The following ABCB1 variants were observed in gnomAD, a reference collection of about 807,000 sequenced individuals.
ABCB1 encodes ATP-dependent translocase ABCB1.
In ABCB1, 69 loss-of-function variants were observed where a neutral mutation model predicts 142.0. The observed-to-expected ratio is 0.49, with a 90% CI of 0.40 to 0.59. The LOEUF (loss-of-function observed/expected upper bound fraction) is 0.59. Among genes scored for constraint, ABCB1 ranks in the 20% least tolerant of loss-of-function variants. The probability of loss-of-function intolerance (pLI) is 0.00; values close to 1 mark genes in which losing one functional copy is unlikely to be tolerated. For synonymous variants in ABCB1, 532 were observed against 539.2 expected (o/e 0.99, Z 0.18); for missense variants, 1,326 against 1,554.7 (o/e 0.85, Z 2.47).
chr7:87,658,048 G>T (rs1238187495), intron 1 of ABCB1, among the ~76,000 whole-genome samples: 1 of 152,130 alleles, frequency 6.6e-6, no homozygotes, highest in Non-Finnish European at 1.5e-5. Flanking sequence ...ATCTCAGATT[G>T]CATAATAAAA....
At position 87,504,005 on chromosome 7, in the gene ABCB1, A is replaced by G; in HGVS notation, c.*238T>C. On this transcript the variant is annotated 3_prime_UTR_variant, in exon 28 of 28. Coordinates refer to ENST00000622132, the MANE Select transcript of ABCB1 (RefSeq NM_001348946.2). Reference sequence around the variant, plus strand: ...AAAATTACACATTTTATCTTTTAAAATCTACTTTAATTCTGTTATAAAATT... The same window carrying G: ...AAAATTACACATTTTATCTTTTAAAGTCTACTTTAATTCTGTTATAAAATT... 1.7e-6 allele frequency: 1 copy of G among 572,208 alleles called. No individual in the cohort carries two copies. Among genetic ancestry groups the G allele is most frequent in the Non-Finnish European group, 3.1e-6 (1 of 326,840 alleles). The allele number at this position is 572,208 out of a possible 1,614,324, so 35.4% of individuals were successfully genotyped here. A position where few individuals can be genotyped will look rare whatever the true frequency, so the allele number is the denominator to read the frequency against.
chr7:87,541,408 T>C lies in ABCB1; in HGVS notation c.2268A>G (p.Ser756=), dbSNP rs764358023. 2 of 1,609,222 alleles carry C rather than the reference T, an allele frequency of 1.2e-6. No homozygotes were observed. Among genetic ancestry groups the C allele is most frequent in the African/African-American group, 2.7e-5 (2 of 74,808 alleles). The change falls in exon 18 of 28, where the codon TCA becomes TCG. Residue 756 remains serine (S), a synonymous_variant. Coordinates refer to ENST00000622132, the MANE Select transcript of ABCB1 (RefSeq NM_001348946.2). ...ETKRQNSNLF[S]LLFLALGIIS... Reference sequence around the variant, plus strand: ...TAATTCCAAGGGCTAGAAACAATAGTGAAAACAAGTTACTATTCTGTCGTT... The same window carrying C: ...TAATTCCAAGGGCTAGAAACAATAGCGAAAACAAGTTACTATTCTGTCGTT...
intron 1 of ABCB1, among the ~76,000 whole-genome samples, chr7:87,652,813 T>C (rs118076780): frequency 0.031 from 4,704 of 151,998 alleles, 72 homozygotes; most frequent in Middle Eastern, 0.048. Flanking sequence ...TCTTCACTTA[T>C]GATTTAGTTA....
chr7:87,550,464 G>T lies in ABCB1; in HGVS notation c.1224+4C>A. On this transcript the variant is annotated splice_donor_region_variant and intron_variant, in intron 11 of 27. Transcript: ENST00000622132. The stretch of plus-strand genomic sequence containing the variant: ...AATTGTTGATTAATCATTTATCACT[G>T]TACCTTAACTTCTTTTCGAGATGGG... 2 of 1,609,890 alleles carry T rather than the reference G, an allele frequency of 1.2e-6. No individual in the cohort carries two copies. The highest frequency in any genetic ancestry group is 8.5e-7 in the Non-Finnish European group (1 of 1,177,494).
intron 1 of ABCB1, chr7:87,629,039 G>A: frequency 4.2e-6 from 5 of 1,178,590 alleles, no homozygotes; most frequent in Non-Finnish European, 5.4e-6. Context: ...GGCATGATGG[G>A]CTGCCGCCCA....
intron 1 of ABCB1, among the ~76,000 whole-genome samples, chr7:87,640,608 G>A (rs886375715): frequency 6.6e-6 from 1 of 152,162 alleles, no homozygotes; most frequent in African/African-American, 2.4e-5. Flanking sequence ...GCCTCCAAAA[G>A]TGTTGGAATG....
At chr7:87,659,357 A>G (rs1186540232) in intron 1 of ABCB1, 4 of 278,176 alleles carry the variant, frequency 1.4e-5, no homozygotes, top group South Asian at 1.0e-4. Flanking sequence ...ATTTTTATTT[A>G]TATTGTTTTT....
At chr7:87,560,061 C>T (rs1407817230) in intron 8 of ABCB1, among the ~76,000 whole-genome samples, 1 of 152,102 alleles carries the variant, frequency 6.6e-6, no homozygotes, top group Non-Finnish European at 1.5e-5. Context: ...ATATTTACCC[C>T]AACTGGTGTA....
chr7:87,614,744 T>G (rs1220720112), intron 1 of ABCB1, among the ~76,000 whole-genome samples: 2 of 152,208 alleles, frequency 1.3e-5, no homozygotes, highest in African/African-American at 2.4e-5. Context: ...CCTGCTAATA[T>G]CCAGTTTAAT....
chr7:87,562,272 C>T (rs570143005), intron 7 of ABCB1, among the ~76,000 whole-genome samples: 79 of 152,172 alleles, frequency 5.2e-4, no homozygotes, highest in Non-Finnish European at 9.7e-4. Flanking sequence ...AGACATTGTG[C>T]TGCACGTACC....
At chr7:87,652,646 A>G (rs1302953871) in intron 1 of ABCB1, among the ~76,000 whole-genome samples, 1 of 147,192 alleles carries the variant, frequency 6.8e-6, no homozygotes, top group African/African-American at 2.5e-5. Flanking sequence ...ATATATATAT[A>G]GTAGGAAGTA....
At chr7:87,693,617 G>C (rs979587837) in intron 1 of ABCB1, among the ~76,000 whole-genome samples, 1 of 152,116 alleles carries the variant, frequency 6.6e-6, no homozygotes, top group Admixed American at 6.5e-5. Context: ...ATCTGAGAAA[G>C]AATGATGGAG....
rs751575002 is a variant in ABCB1, at chr7:87,550,023, A to G, written c.1382T>C (p.Ile461Thr). 2.5e-6 allele frequency: 4 copies of G among 1,614,252 alleles called. No homozygotes were observed. The highest frequency in any genetic ancestry group is 1.1e-5 in the South Asian group (1 of 91,092). The change falls in exon 13 of 28, where the codon ATA becomes ACA. Residue 461 changes from isoleucine to threonine, a missense_variant. By Grantham distance (89) the Ile-to-Thr change is moderately conservative (BLOSUM62 -1). Coordinates refer to ENST00000622132, the MANE Select transcript of ABCB1 (RefSeq NM_001348946.2). ...VSVDGQDIRT[I>T]NVRFLREIIG... is the part of the protein sequence containing the mutation. ...GATTTCCCGTAGAAACCTTACATTT[A>G]TGGTCCTAATATCCTGTCCATCAAC...
intron 1 of ABCB1, chr7:87,629,096 C>A: frequency 1.4e-6 from 1 of 708,968 alleles, no homozygotes; most frequent in Non-Finnish European, 2.0e-6. Context: ...GCGCGCAGCT[C>A]CTTGGACAGG....
intron 1 of ABCB1, among the ~76,000 whole-genome samples, chr7:87,704,352 T>C (rs1829408428): frequency 1.3e-5 from 2 of 152,216 alleles, no homozygotes; most frequent in African/African-American, 4.8e-5. Context: ...TTCTAGATGC[T>C]ACATAAACAT....
intron 1 of ABCB1, among the ~76,000 whole-genome samples, chr7:87,609,175 G>A (rs1018078340): frequency 3.3e-5 from 5 of 152,084 alleles, no homozygotes; most frequent in Admixed American, 2.0e-4. Flanking sequence ...TACCAGGTGG[G>A]CAAAGTTTAC....
intron 21 of ABCB1, chr7:87,522,252 A>C (rs1426685213): frequency 9.1e-6 from 9 of 985,580 alleles, no homozygotes; most frequent in Non-Finnish European, 1.3e-5. Context: ...TGGCAATTAC[A>C]ACAATTAGTT....
At chr7:87,575,059 T>G (rs1467049131) in intron 4 of ABCB1, among the ~76,000 whole-genome samples, 1 of 152,148 alleles carries the variant, frequency 6.6e-6, no homozygotes, top group Non-Finnish European at 1.5e-5. Flanking sequence ...CTCACATATT[T>G]TAAGATTAAA....
At chr7:87,571,278 G>C (rs1818041558) in intron 4 of ABCB1, among the ~76,000 whole-genome samples, 1 of 152,158 alleles carries the variant, frequency 6.6e-6, no homozygotes, top group Non-Finnish European at 1.5e-5. Flanking sequence ...GTGGATGGAG[G>C]GAGGTGGTTA....
Sources: gnomAD v4.1 joint callset for allele counts (sites outside exome capture counted in the v4.1 genomes callset) on GRCh38, gnomAD v4.1.1 for gene constraint, MANE v1.5 for transcripts, NCBI Gene and HGNC (gene_info 2026-07-23, HGNC 2026-07-21) for gene names.